The following KCNQ1 variants were observed in gnomAD, a reference collection of about 807,000 sequenced individuals.
KCNQ1 encodes the protein potassium voltage-gated channel subfamily Q member 1, also known as potassium voltage-gated channel subfamily KQT member 1.
Under a neutral mutation model 72.4 loss-of-function variants are expected in KCNQ1, and 49 were observed. The observed-to-expected ratio is 0.68, with a 90% confidence interval of 0.54 to 0.86. KCNQ1 has a LOEUF of 0.86. KCNQ1 is among the 40% of genes least tolerant of loss of function. KCNQ1 has a pLI of 0.00. For missense variants in KCNQ1, 790 were observed against 945.1 expected, an observed-to-expected ratio of 0.84 and a Z score of 2.15; for synonymous variants, 450 against 412.6, an observed-to-expected ratio of 1.09 and a Z score of -1.10.
In KCNQ1 at chr11:2,549,698, G is replaced by T. The variant is rs1467260102; in HGVS notation, c.478-20930G>T. Reference sequence around the variant, plus strand: ...ACAAGAGGCGTTTTGTGTTCTGCATGGGTGGCCCTGGGCTCCCCAGGCCTG... The same window carrying T: ...ACAAGAGGCGTTTTGTGTTCTGCATTGGTGGCCCTGGGCTCCCCAGGCCTG... On this transcript the variant is annotated intron_variant, in intron 2 of 15. Coordinates refer to ENST00000155840, the MANE Select transcript of KCNQ1 (RefSeq NM_000218.3). This position sits in a 1 kb window ranked among gnomAD's most constrained non-coding sequence, Gnocchi z 6.2. 6.6e-6 allele frequency among the ~76,000 whole-genome samples: 1 copy of T among 152,096 alleles called. No homozygotes were observed. The highest frequency in any genetic ancestry group is 1.5e-5 in the Non-Finnish European group (1 of 67,986).
Position 2,766,358 on chromosome 11 carries a change from C to G in KCNQ1, c.1515-2486C>G, listed in dbSNP as rs912528807. Among the ~76,000 whole-genome samples the G allele has an allele frequency of 2.0e-5, 3 of 152,208 alleles. No homozygotes were observed. The highest frequency in any genetic ancestry group is 4.4e-5 in the Non-Finnish European group (3 of 68,030). ...GTGGTGGCTGAGTGGTCTCTGTTGT[C>G]CTCACGTGTCTGGAGCCACTGGGTT... On this transcript the variant is annotated intron_variant, in intron 11 of 15. Coordinates refer to ENST00000155840, the MANE Select transcript of KCNQ1 (RefSeq NM_000218.3). The surrounding 1 kb of genome is among the most constrained non-coding windows in gnomAD (Gnocchi z 4.4).
chr11:2,728,553 A>C (rs1037342232), intron 11 of KCNQ1, among the ~76,000 whole-genome samples: 5 of 152,176 alleles, frequency 3.3e-5, no homozygotes, highest in African/African-American at 1.2e-4. Context: ...GGAGATTCTA[A>C]AACACTCTGG....
intron 2 of KCNQ1, among the ~76,000 whole-genome samples, chr11:2,560,755 C>A (rs1170137620): frequency 6.6e-6 from 1 of 152,028 alleles, no homozygotes; most frequent in Non-Finnish European, 1.5e-5. Flanking sequence ...GGGTAGTGAG[C>A]TGGTCTCAGC....
At position 2,572,676 on chromosome 11, in the gene KCNQ1, A is replaced by G. The variant is rs1848355625; in HGVS notation, c.781-170A>G. On this transcript the variant is annotated intron_variant, in intron 5 of 15. Transcript: ENST00000155840. ...TGGGGGTAACCCCCACCCGCCACTTACCGGAGTTGTGAGGAGTGGGCTATA... is the reference window on the plus strand; with the variant it reads ...TGGGGGTAACCCCCACCCGCCACTTGCCGGAGTTGTGAGGAGTGGGCTATA... Among the ~76,000 whole-genome samples the G allele has an allele frequency of 3.3e-5, 5 of 152,312 alleles. No homozygotes were observed. The South Asian group carries it at 1.0e-3, about 32-fold the overall frequency.
In KCNQ1 at chr11:2,826,309, G is replaced by A. The variant is rs765621605; in HGVS notation, c.1795-21458G>A. Among the ~76,000 whole-genome samples, 2 of 152,244 alleles carry A rather than the reference G, an allele frequency of 1.3e-5. No individual in the cohort carries two copies. Among genetic ancestry groups the A allele is most frequent in the African/African-American group, 2.4e-5 (1 of 41,470 alleles). On this transcript the variant is annotated intron_variant, in intron 15 of 15. Coordinates refer to ENST00000155840, the MANE Select transcript of KCNQ1 (RefSeq NM_000218.3). This position sits in a 1 kb window ranked among gnomAD's most constrained non-coding sequence, Gnocchi z 4.2. ...ATTGAGCCGGGGTTGGGGGCGGGGA[G>A]GGCAGGTTAACCCTTCGGGCTCCAG...
rs887367383 is a variant in KCNQ1, at chr11:2,723,385, A to C, written c.1515-45459A>C. The stretch of plus-strand genomic sequence containing the variant: ...TCCGTCTCAGAGCCTTGGTGTCCCC[A>C]TCTGTAAAGTGGGATGTGACAATAC... On this transcript the variant is annotated intron_variant, in intron 11 of 15. Coordinates refer to ENST00000155840, the MANE Select transcript of KCNQ1 (RefSeq NM_000218.3). This position sits in a 1 kb window ranked among gnomAD's most constrained non-coding sequence, Gnocchi z 4.2. Among the ~76,000 whole-genome samples, 1 of 152,208 alleles carries C rather than the reference A, an allele frequency of 6.6e-6. No individual in the cohort carries two copies. Among genetic ancestry groups the C allele is most frequent in the African/African-American group, 2.4e-5 (1 of 41,462 alleles).
At position 2,673,645 on chromosome 11, in the gene KCNQ1, G is replaced by T. The variant is rs1043624372; in HGVS notation, c.1514+11564G>T. The stretch of plus-strand genomic sequence containing the variant: ...CCTTGCTACTGCTGATGACCACCCT[G>T]ACTCATGTCCCTTGTCTGCATAGGT... On this transcript the variant is annotated intron_variant, in intron 11 of 15. Transcript: ENST00000155840. The surrounding 1 kb of genome is among the most constrained non-coding windows in gnomAD (Gnocchi z 4.5). 3 of 398,626 alleles carry T rather than the reference G, an allele frequency of 7.5e-6. No homozygotes were observed. The highest frequency in any genetic ancestry group is 1.3e-5 in the Non-Finnish European group (3 of 226,154). 24.7% of individuals were successfully genotyped at this position (398,626 alleles called of 1,614,324 possible).
intron 6 of KCNQ1, among the ~76,000 whole-genome samples, chr11:2,573,242 G>A (rs966118837): frequency 1.3e-5 from 2 of 152,190 alleles, no homozygotes; most frequent in Non-Finnish European, 2.9e-5. Context: ...GAGGGAAATC[G>A]GAGGGGTCAC....
At chr11:2,618,510 A>G (rs895903511) in intron 10 of KCNQ1, 12 of 398,396 alleles carry the variant, frequency 3.0e-5, no homozygotes, top group East Asian at 7.1e-5. Context: ...GGTTGATCAT[A>G]TATCTTTGAA....
chr11:2,755,086 T>C (rs1846278922), intron 11 of KCNQ1, among the ~76,000 whole-genome samples: 1 of 152,134 alleles, frequency 6.6e-6, no homozygotes, highest in Non-Finnish European at 1.5e-5. Context: ...AGGATCTGTG[T>C]CCTTGCCTTT....
At chr11:2,545,534 T>G (rs186883202) in intron 2 of KCNQ1, among the ~76,000 whole-genome samples, 21 of 152,332 alleles carry the variant, frequency 1.4e-4, no homozygotes, top group South Asian at 6.2e-4. Flanking sequence ...AATAGTTATA[T>G]TCAGGTGATT....
At chr11:2,747,617 A>G (rs1176384810) in intron 11 of KCNQ1, among the ~76,000 whole-genome samples, 1 of 152,250 alleles carries the variant, frequency 6.6e-6, no homozygotes, top group Non-Finnish European at 1.5e-5. Flanking sequence ...GAAGGCCATA[A>G]GTTCACTGTT....
intron 11 of KCNQ1, chr11:2,665,571 C>T (rs1246277204): frequency 5.1e-6 from 2 of 395,772 alleles, no homozygotes; most frequent in Non-Finnish European, 8.9e-6. Context: ...TTCCATTCAT[C>T]TTTCCAACGT....
chr11:2,733,943 C>T (rs944391578), intron 11 of KCNQ1, among the ~76,000 whole-genome samples: 1 of 151,380 alleles, frequency 6.6e-6, no homozygotes. Flanking sequence ...CTCTCCTCTT[C>T]CCTGCTTAAT....
intron 15 of KCNQ1, among the ~76,000 whole-genome samples, chr11:2,832,548 C>T (rs1279496652): frequency 6.6e-6 from 1 of 152,228 alleles, no homozygotes; most frequent in African/African-American, 2.4e-5. Context: ...CCCGCCCATG[C>T]CCAGGGCCTT....
intron 15 of KCNQ1, among the ~76,000 whole-genome samples, chr11:2,838,241 G>A (rs537192481): frequency 4.9e-4 from 74 of 152,232 alleles, no homozygotes; most frequent in African/African-American, 1.4e-3. Context: ...TGGCAGGGTC[G>A]GGGGACAGGT....
intron 1 of KCNQ1, among the ~76,000 whole-genome samples, chr11:2,456,639 G>C (rs1405650194): frequency 9.2e-5 from 14 of 151,746 alleles, no homozygotes; most frequent in Non-Finnish European, 1.0e-4. Flanking sequence ...GTGGGCAAAA[G>C]GGCCGGGCGC....
rs1847676425 is a variant in KCNQ1 at position 2,818,872 on chromosome 11, C to T, written c.1795-28895C>T. ...CTGCTCTTCCCCCAACCCCCAGGCCCAGCAGAATCACATCTAGGAGAGTGG... is the reference window on the plus strand; with the variant it reads ...CTGCTCTTCCCCCAACCCCCAGGCCTAGCAGAATCACATCTAGGAGAGTGG... On this transcript the variant is annotated intron_variant, in intron 15 of 15. Coordinates refer to ENST00000155840, the MANE Select transcript of KCNQ1 (RefSeq NM_000218.3). This position sits in a 1 kb window ranked among gnomAD's most constrained non-coding sequence, Gnocchi z 7.2. Among the ~76,000 whole-genome samples the T allele has an allele frequency of 6.6e-6, 1 of 152,118 alleles. No homozygotes were observed. The highest frequency in any genetic ancestry group is 2.4e-5 in the African/African-American group (1 of 41,416).
Position 2,592,831 on chromosome 11 carries a change from G to A in KCNQ1, c.1393+3977G>A, listed in dbSNP as rs969600735. Among the ~76,000 whole-genome samples, 9 of 152,204 alleles carry A rather than the reference G, an allele frequency of 5.9e-5. No homozygotes were observed. Among genetic ancestry groups the A allele is most frequent in the Admixed American group, 2.0e-4 (3 of 15,288 alleles). On this transcript the variant is annotated intron_variant, in intron 10 of 15. Coordinates refer to ENST00000155840, the MANE Select transcript of KCNQ1 (RefSeq NM_000218.3). The surrounding 1 kb of genome is among the most constrained non-coding windows in gnomAD (Gnocchi z 5.2). ...GCAGCCTCCTGCCCAGAGGGTCCAAGCGGGCATGGCCATCCACATCTGCAG... is the reference window on the plus strand; with the variant it reads ...GCAGCCTCCTGCCCAGAGGGTCCAAACGGGCATGGCCATCCACATCTGCAG...
Sources: allele counts gnomAD v4.1 joint callset (sites outside exome capture counted in the v4.1 genomes callset), GRCh38; gene constraint gnomAD v4.1.1; non-coding constraint Gnocchi (gnomAD v3.1); transcripts MANE v1.5; gene names NCBI Gene and HGNC (gene_info 2026-07-23, HGNC 2026-07-21).